The following MICU1 variants were observed in gnomAD, a reference collection of about 807,000 sequenced individuals.
The protein encoded by MICU1 is mitochondrial calcium uptake 1.
MICU1 carries 45 observed loss-of-function variants against 56.8 expected under a neutral mutation model. The ratio of observed to expected loss-of-function variants is 0.79; its 90% CI spans 0.62 to 1.02. The LOEUF (loss-of-function observed/expected upper bound fraction) is 1.02, where lower values mean the gene tolerates loss of function less well. Among genes scored for constraint, MICU1 ranks in the 50% least tolerant of loss-of-function variants. The pLI is 0.00. For missense variants in MICU1, 504 were observed against 587.1 expected, an observed-to-expected ratio of 0.86 and a Z score of 1.46; for synonymous variants, 186 against 195.1, an observed-to-expected ratio of 0.95 and a Z score of 0.39.
intron 5 of MICU1, among the ~76,000 whole-genome samples, chr10:72,516,836 G>A (rs746090576): frequency 6.6e-6 from 1 of 152,050 alleles, no homozygotes; most frequent in Non-Finnish European, 1.5e-5. Flanking sequence ...TTAGTAAAAA[G>A]GTCTACATTG....
At chr10:72,421,336 A>C (rs1188776806) in intron 9 of MICU1, among the ~76,000 whole-genome samples, 1 of 150,254 alleles carries the variant, frequency 6.7e-6, no homozygotes, top group Admixed American at 6.7e-5. Context: ...GTTCACTGCA[A>C]CCTCCGCCTC....
At chr10:72,376,415 G>A (rs1862522925) in intron 10 of MICU1, among the ~76,000 whole-genome samples, 1 of 152,058 alleles carries the variant, frequency 6.6e-6, no homozygotes, top group Non-Finnish European at 1.5e-5. Flanking sequence ...GCCAGGCGCG[G>A]TGGCTCATAC....
chr10:72,408,729 C>T (rs138325793), intron 9 of MICU1, among the ~76,000 whole-genome samples: 2,170 of 152,266 alleles, frequency 0.014, 44 homozygotes, highest in African/African-American at 0.048. Context: ...AGAGTCAGGA[C>T]TTCCAGTTTA....
intron 8 of MICU1, among the ~76,000 whole-genome samples, chr10:72,433,702 T>C (rs2132163648): frequency 6.6e-6 from 1 of 152,336 alleles, no homozygotes; most frequent in South Asian, 2.1e-4. Context: ...AGTGCTGGGA[T>C]TACAGGCGTG....
chr10:72,588,102 T>C (rs1841115369), intron 1 of MICU1, among the ~76,000 whole-genome samples: 1 of 152,206 alleles, frequency 6.6e-6, no homozygotes, highest in African/African-American at 2.4e-5. Context: ...CTCGCTGTTC[T>C]GTGACAGTGA....
intron 9 of MICU1, among the ~76,000 whole-genome samples, chr10:72,420,020 G>A (rs1458340352): frequency 6.6e-6 from 1 of 152,158 alleles, no homozygotes; most frequent in Non-Finnish European, 1.5e-5. Context: ...GAGTTCCCCT[G>A]CACATGCTCT....
At chr10:72,398,545 G>C (rs1015453080) in intron 10 of MICU1, among the ~76,000 whole-genome samples, 1 of 151,724 alleles carries the variant, frequency 6.6e-6, no homozygotes, top group Non-Finnish European at 1.5e-5. Context: ...TAGACAGCTA[G>C]CAAGACTAAT....
chr10:72,619,367 C>G (rs1842049999), intron 1 of MICU1, among the ~76,000 whole-genome samples: 1 of 152,204 alleles, frequency 6.6e-6, no homozygotes. Context: ...ACGGTGTGAA[C>G]CCAGGAGGCG....
At chr10:72,449,743 T>C (rs1424206739) in intron 8 of MICU1, among the ~76,000 whole-genome samples, 1 of 152,178 alleles carries the variant, frequency 6.6e-6, no homozygotes, top group Non-Finnish European at 1.5e-5. Context: ...TAATGAGGAA[T>C]GTTTCATGCT....
intron 6 of MICU1, among the ~76,000 whole-genome samples, chr10:72,504,990 G>A (rs543905663): frequency 2.7e-5 from 4 of 149,228 alleles, no homozygotes; most frequent in South Asian, 2.1e-4. Flanking sequence ...TATTATTTTC[G>A]AGATGGAGTT....
intron 1 of MICU1, among the ~76,000 whole-genome samples, chr10:72,600,398 C>T (rs1841495911): frequency 6.6e-6 from 1 of 151,780 alleles, no homozygotes; most frequent in East Asian, 1.9e-4. Context: ...CCTGTAATCC[C>T]AGCACTTTGG....
chr10:72,395,570 C>G (rs780687812), intron 10 of MICU1, among the ~76,000 whole-genome samples: 19 of 152,196 alleles, frequency 1.2e-4, no homozygotes, highest in Non-Finnish European at 2.4e-4. Context: ...ATGGGACACT[C>G]CCACCCAAAT....
At chr10:72,573,882 A>G (rs527353213) in intron 1 of MICU1, among the ~76,000 whole-genome samples, 1 of 152,212 alleles carries the variant, frequency 6.6e-6, no homozygotes, top group Non-Finnish European at 1.5e-5. Context: ...CTAGTGAGAT[A>G]AACTTTATGT....
At chr10:72,369,949 C>T (rs1862274290) in intron 11 of MICU1, among the ~76,000 whole-genome samples, 1 of 110,844 alleles carries the variant, frequency 9.0e-6, no homozygotes, top group Non-Finnish European at 1.8e-5. Context: ...GGTGCGATCT[C>T]GGATCACTGC....
At chr10:72,439,323 A>C (rs1021405068) in intron 8 of MICU1, among the ~76,000 whole-genome samples, 1 of 152,254 alleles carries the variant, frequency 6.6e-6, no homozygotes, top group African/African-American at 2.4e-5. Flanking sequence ...CAATAGATGC[A>C]GAAAAGGCCT....
At chr10:72,600,662 A>AG (rs1408994824) in intron 1 of MICU1, among the ~76,000 whole-genome samples, 18 of 151,874 alleles carry the variant, frequency 1.2e-4, no homozygotes, top group Non-Finnish European at 1.6e-4. Context: ...AAAAAAAAAA[A>AG]AAAAGAAAAA....
chr10:72,574,522 AAAAAT>A (rs1184592444), intron 1 of MICU1, among the ~76,000 whole-genome samples: 5 of 152,180 alleles, frequency 3.3e-5, no homozygotes, highest in African/African-American at 1.2e-4. Context: ...TCCATCTCAA[AAAAAT>A]AAAATAAAAT....
intron 8 of MICU1, among the ~76,000 whole-genome samples, chr10:72,437,382 G>T (rs1351695591): frequency 6.6e-6 from 1 of 152,150 alleles, no homozygotes; most frequent in Non-Finnish European, 1.5e-5. Flanking sequence ...ACTTACAGGA[G>T]CTCCTGAAGG....
chr10:72,520,153 T>C (rs1867773796), intron 5 of MICU1, among the ~76,000 whole-genome samples: 1 of 152,168 alleles, frequency 6.6e-6, no homozygotes, highest in South Asian at 2.1e-4. Context: ...ACAAATAGTA[T>C]TTCTATCTAA....
Sources: allele counts gnomAD v4.1 joint callset (sites outside exome capture counted in the v4.1 genomes callset), GRCh38; gene constraint gnomAD v4.1.1; transcripts MANE v1.5; gene names NCBI Gene and HGNC (gene_info 2026-07-23, HGNC 2026-07-21).